The following SLC24A2 variants were observed in gnomAD, a reference collection of about 807,000 sequenced individuals.
SLC24A2 encodes the protein sodium/potassium/calcium exchanger 2.
SLC24A2 carries 36 observed loss-of-function variants against 62.0 expected under a neutral mutation model. The observed-to-expected ratio is 0.58, with a 90% CI of 0.44 to 0.77. The LOEUF is 0.77. Among genes scored for constraint, SLC24A2 ranks in the 30% least tolerant of loss-of-function variants. The probability of loss-of-function intolerance (pLI) is 0.00; values close to 1 mark genes in which losing one functional copy is unlikely to be tolerated. For synonymous variants in SLC24A2, 358 were observed against 294.0 expected, an observed-to-expected ratio of 1.22 and a Z score of -2.23; for missense variants, 846 against 817.9, an observed-to-expected ratio of 1.03 and a Z score of -0.42.
intron 2 of SLC24A2, among the ~76,000 whole-genome samples, chr9:19,758,868 T>A (rs1364071051): frequency 6.6e-6 from 1 of 152,174 alleles, no homozygotes; most frequent in African/African-American, 2.4e-5. Context: ...CTAGAACACA[T>A]TCTCTTGTTC....
the SLC24A2 span, among the ~76,000 whole-genome samples, chr9:19,821,841 A>G: frequency 6.6e-6 from 1 of 152,212 alleles, no homozygotes; most frequent in Non-Finnish European, 1.5e-5. Flanking sequence ...AAAAACTTAC[A>G]TACTAGTGTT....
At chr9:20,091,545 T>A in the SLC24A2 span, among the ~76,000 whole-genome samples, 2 of 152,194 alleles carry the variant, frequency 1.3e-5, no homozygotes, top group Admixed American at 1.3e-4. Flanking sequence ...GGGACCTATA[T>A]TCAAAATTCT....
intron 7 of SLC24A2, among the ~76,000 whole-genome samples, chr9:19,561,559 C>T (rs985833969): frequency 3.3e-5 from 5 of 151,532 alleles, no homozygotes; most frequent in South Asian, 2.1e-4. Flanking sequence ...CTCAGCCTCC[C>T]GAGTAGCTGG....
the SLC24A2 span, among the ~76,000 whole-genome samples, chr9:20,140,947 T>C: frequency 6.6e-6 from 1 of 152,106 alleles, no homozygotes; most frequent in South Asian, 2.1e-4. Context: ...ACCACTCAAA[T>C]CAATCTCCTT....
At chr9:19,768,728 A>G (rs996341045) in intron 2 of SLC24A2, among the ~76,000 whole-genome samples, 7 of 151,796 alleles carry the variant, frequency 4.6e-5, no homozygotes, top group African/African-American at 1.5e-4. Flanking sequence ...TCCATTTAAC[A>G]TTTTCAGACT....
chr9:19,607,055 G>C (rs1201040590), intron 4 of SLC24A2, among the ~76,000 whole-genome samples: 1 of 152,242 alleles, frequency 6.6e-6, no homozygotes, highest in African/African-American at 2.4e-5. Context: ...CTCATGAAGT[G>C]AGGCCCTGCT....
intron 2 of SLC24A2, among the ~76,000 whole-genome samples, chr9:19,673,918 G>C (rs1471548801): frequency 4.6e-5 from 7 of 152,128 alleles, no homozygotes; most frequent in African/African-American, 1.7e-4. Flanking sequence ...TTTGATGCCT[G>C]AATATCTTGT....
intron 2 of SLC24A2, among the ~76,000 whole-genome samples, chr9:19,701,501 T>C (rs7852673): frequency 0.03 from 4,499 of 152,250 alleles, 247 homozygotes; most frequent in African/African-American, 0.1. Flanking sequence ...TTTCCTACTG[T>C]TGCTGTAAAA....
intron 5 of SLC24A2, among the ~76,000 whole-genome samples, chr9:19,581,279 C>G (rs1836201911): frequency 6.6e-6 from 1 of 152,156 alleles, no homozygotes; most frequent in Non-Finnish European, 1.5e-5. Context: ...GGTGATAGAG[C>G]TGGCTTTCTG....
intron 2 of SLC24A2, among the ~76,000 whole-genome samples, chr9:19,633,299 T>C (rs1818224250): frequency 1.3e-5 from 2 of 152,246 alleles, no homozygotes; most frequent in African/African-American, 4.8e-5. Context: ...GTTTCATTTA[T>C]CTGGGATATA....
chr9:20,230,421 C>T, the SLC24A2 span, among the ~76,000 whole-genome samples: 1 of 152,180 alleles, frequency 6.6e-6, no homozygotes, highest in Non-Finnish European at 1.5e-5. Flanking sequence ...TTAATGATTG[C>T]CATTCTGACT....
intron 8 of SLC24A2, 138 bp from the exon 9 acceptor site, chr9:19,528,276 C>T: frequency 2.9e-6 from 2 of 700,158 alleles, no homozygotes; most frequent in East Asian, 2.7e-5. Context: ...TCAAAAGACC[C>T]TACTCACTCC....
At chr9:19,640,172 T>C (rs905016222) in intron 2 of SLC24A2, among the ~76,000 whole-genome samples, 1 of 152,232 alleles carries the variant, frequency 6.6e-6, no homozygotes, top group East Asian at 1.9e-4. Flanking sequence ...CATGATGTCT[T>C]ATACAATTTT....
the SLC24A2 span, among the ~76,000 whole-genome samples, chr9:20,285,810 G>A: frequency 1.3e-5 from 2 of 152,100 alleles, no homozygotes; most frequent in Non-Finnish European, 2.9e-5. Context: ...GGGGAGACTG[G>A]GACACACAGA....
intron 2 of SLC24A2, among the ~76,000 whole-genome samples, chr9:19,696,149 G>A (rs1820185292): frequency 6.6e-6 from 1 of 152,158 alleles, no homozygotes; most frequent in Non-Finnish European, 1.5e-5. Context: ...AGGGATCTAG[G>A]TTGTGTATTC....
At chr9:19,559,646 T>G (rs1586958505) in intron 7 of SLC24A2, among the ~76,000 whole-genome samples, 1 of 152,254 alleles carries the variant, frequency 6.6e-6, no homozygotes, top group East Asian at 1.9e-4. Flanking sequence ...TCAACAACTA[T>G]TTGCCAAATG....
the SLC24A2 span, among the ~76,000 whole-genome samples, chr9:20,051,657 C>CTCTTT: frequency 1.5e-4 from 11 of 73,504 alleles, no homozygotes; most frequent in African/African-American, 3.0e-4. Context: ...TTTTCTTTCT[C>CTCTTT]TTTTTTTTTT....
the SLC24A2 span, chr9:19,957,342 C>G: frequency 7.9e-5 from 12 of 152,186 alleles, no homozygotes; most frequent in Admixed American, 3.3e-4. Flanking sequence ...CACTCTATAT[C>G]CAGAATCCCT....
intron 2 of SLC24A2, among the ~76,000 whole-genome samples, chr9:19,664,298 A>G (rs1052781642): frequency 6.6e-6 from 1 of 152,162 alleles, no homozygotes; most frequent in Non-Finnish European, 1.5e-5. Context: ...GGTAAGTTTC[A>G]TTGGTGCATT....
Sources: allele counts gnomAD v4.1 joint callset (sites outside exome capture counted in the v4.1 genomes callset), GRCh38; gene constraint gnomAD v4.1.1; transcripts MANE v1.5; gene names NCBI Gene and HGNC (gene_info 2026-07-23, HGNC 2026-07-21).